Variants in CACNA1A observed in about 807,000 individuals in gnomAD.
CACNA1A encodes voltage-dependent P/Q-type calcium channel subunit alpha-1A.
In CACNA1A, 57 loss-of-function variants were observed where a neutral mutation model predicts 262.4. The observed-to-expected ratio is 0.22, with a 90% CI of 0.18 to 0.27. The LOEUF is 0.27. Ranked by LOEUF, CACNA1A falls within the 10% of genes least tolerant of loss-of-function variation. The pLI, the probability that CACNA1A is intolerant of heterozygous loss-of-function variation, is 1.00. For synonymous variants in CACNA1A, 1,431 were observed against 1,419.3 expected (o/e 1.01, Z -0.18); for missense variants, 2,526 against 3,562.8 (o/e 0.71, Z 7.41).
intron 3 of CACNA1A, among the ~76,000 whole-genome samples, chr19:13,405,184 G>A (rs977260722): frequency 6.7e-6 from 1 of 148,986 alleles, no homozygotes; most frequent in Non-Finnish European, 1.5e-5. Flanking sequence ...GTATGAGCCA[G>A]CGCGCCCGGC....
intron 3 of CACNA1A, among the ~76,000 whole-genome samples, chr19:13,426,063 A>T (rs1172208687): frequency 1.3e-5 from 2 of 152,176 alleles, no homozygotes; most frequent in African/African-American, 2.4e-5. Context: ...GTCTCAAAAC[A>T]AAACAAAACA....
chr19:13,453,345 A>G (rs1468839447), intron 2 of CACNA1A, among the ~76,000 whole-genome samples: 2 of 152,232 alleles, frequency 1.3e-5, no homozygotes, highest in Admixed American at 1.3e-4. Flanking sequence ...AATTAATTTA[A>G]ATGCAATAAA....
chr19:13,268,893 C>CTTTTTTTTTT (rs3050832), intron 24 of CACNA1A, among the ~76,000 whole-genome samples: 1 of 107,946 alleles, frequency 9.3e-6, no homozygotes, highest in African/African-American at 3.6e-5. Flanking sequence ...ATAGATTCTA[C>CTTTTTTTTTT]TTTTTTTTTT....
intron 2 of CACNA1A, among the ~76,000 whole-genome samples, chr19:13,454,441 G>A (rs938920222): frequency 6.6e-6 from 1 of 151,766 alleles, no homozygotes; most frequent in African/African-American, 2.4e-5. Flanking sequence ...TGCGATCTTG[G>A]CTTACTGCAA....
intron 38 of CACNA1A, among the ~76,000 whole-genome samples, chr19:13,223,278 C>T (rs2055304672): frequency 6.6e-6 from 1 of 152,156 alleles, no homozygotes; most frequent in Non-Finnish European, 1.5e-5. Context: ...ACTGCAACCT[C>T]CGCCTCCCAG....
At chr19:13,444,334 C>T (rs1290548132) in intron 3 of CACNA1A, among the ~76,000 whole-genome samples, 4 of 152,088 alleles carry the variant, frequency 2.6e-5, no homozygotes, top group Admixed American at 2.0e-4. Flanking sequence ...AGTTAGAATG[C>T]TGGTTGTGTT....
chr19:13,269,916 G>A (rs1470387549), intron 24 of CACNA1A, among the ~76,000 whole-genome samples: 1 of 152,172 alleles, frequency 6.6e-6, no homozygotes, highest in East Asian at 1.9e-4. Context: ...AGCACTGGGG[G>A]AAGAATCCTT....
chr19:13,316,272 T>G (rs1242763997), intron 11 of CACNA1A: 1 of 137,074 alleles, frequency 7.3e-6, no homozygotes, highest in East Asian at 2.5e-4. Flanking sequence ...TCGCTGCTCT[T>G]GTTGATTCCT....
At chr19:13,461,943 A>G (rs2061131736) in intron 1 of CACNA1A, among the ~76,000 whole-genome samples, 1 of 152,160 alleles carries the variant, frequency 6.6e-6, no homozygotes, top group South Asian at 2.1e-4. Flanking sequence ...AGCTCTATAC[A>G]CAATGAAATT....
intron 1 of CACNA1A, among the ~76,000 whole-genome samples, chr19:13,472,126 C>T (rs1978286251): frequency 6.6e-6 from 1 of 152,006 alleles, no homozygotes; most frequent in South Asian, 2.1e-4. Flanking sequence ...TCACACCCAG[C>T]TAATTTTTAA....
intron 1 of CACNA1A, among the ~76,000 whole-genome samples, chr19:13,494,668 A>G (rs1363148082): frequency 6.6e-6 from 1 of 152,220 alleles, no homozygotes; most frequent in African/African-American, 2.4e-5. Flanking sequence ...ATTGACTCAC[A>G]GTTCTGCATG....
At chr19:13,438,479 A>G (rs1352879719) in intron 3 of CACNA1A, among the ~76,000 whole-genome samples, 1 of 152,224 alleles carries the variant, frequency 6.6e-6, no homozygotes, top group African/African-American at 2.4e-5. Flanking sequence ...AAAAGCTGCC[A>G]TGTGAACTAG....
rs773476849 is a variant in CACNA1A at position 13,299,117 on chromosome 19, C to T, written c.2516G>A (p.Arg839Gln). ...CTGGTCCACGGTGGGCTCGGCCGCC[C>T]GGCTCTTGTTGGTGTTGTTGTTGCG... Reference protein sequence around the residue: ...ENRNNNTNKSRAAEPTVDQRL... With the variant: ...ENRNNNTNKSQAAEPTVDQRL... The change falls in exon 19 of 47, where the codon CGG becomes CAG. Residue 839 changes from arginine (R) to glutamine (Q), a missense_variant. Coordinates refer to ENST00000360228, the MANE Select transcript of CACNA1A (RefSeq NM_001127222.2). 28 of 1,612,590 alleles carry T rather than the reference C, an allele frequency of 1.7e-5. No homozygotes were observed. In the East Asian group the frequency reaches 5.4e-4, roughly 31 times the overall value.
intron 1 of CACNA1A, among the ~76,000 whole-genome samples, chr19:13,484,680 A>G (rs2145097159): frequency 6.6e-6 from 1 of 152,330 alleles, no homozygotes; most frequent in East Asian, 1.9e-4. Flanking sequence ...AAATCATTGT[A>G]TTACTGCTTC....
intron 3 of CACNA1A, among the ~76,000 whole-genome samples, chr19:13,377,513 C>T (rs954448582): frequency 6.6e-6 from 1 of 151,292 alleles, no homozygotes; most frequent in African/African-American, 2.4e-5. Context: ...CAGTCATACG[C>T]CACCATGCCC....
intron 30 of CACNA1A, among the ~76,000 whole-genome samples, chr19:13,251,600 G>GCT (rs1191819861): frequency 6.6e-6 from 1 of 152,160 alleles, no homozygotes; most frequent in African/African-American, 2.4e-5. Context: ...GGTATCTGCA[G>GCT]CTCTTATAAT....
chr19:13,345,372 C>T (rs1003215082), intron 6 of CACNA1A, among the ~76,000 whole-genome samples: 7 of 152,044 alleles, frequency 4.6e-5, no homozygotes, highest in African/African-American at 1.7e-4. Context: ...ACCCCTTCTC[C>T]GTACTTGCAT....
Position 13,256,719 on chromosome 19 carries a change from G to C in CACNA1A, c.4590+631C>G, listed in dbSNP as rs993050679. ...TTGGCCAGGCTGGTCTCAAACTCCTGAGCTCAAGTGATCCTCCTGCCTCAG... is the reference window on the plus strand; with the variant it reads ...TTGGCCAGGCTGGTCTCAAACTCCTCAGCTCAAGTGATCCTCCTGCCTCAG... On this transcript the variant is annotated intron_variant, in intron 28 of 46. Transcript: ENST00000360228. The C allele has an allele frequency of 2.0e-5, 3 of 152,556 alleles. 1 individual carries two copies. The highest frequency in any genetic ancestry group is 4.1e-4 in the South Asian group (2 of 4,820). 9.5% of individuals were successfully genotyped at this position (152,556 alleles called of 1,614,324 possible).
chr19:13,271,798 C>G (rs1568481983), intron 24 of CACNA1A: 1 of 146,768 alleles, frequency 6.8e-6, no homozygotes, highest in Non-Finnish European at 1.5e-5. Context: ...GAGTCTTGCT[C>G]TGTTGCCCAG....
Sources: gnomAD v4.1 joint callset for allele counts (sites outside exome capture counted in the v4.1 genomes callset) on GRCh38, gnomAD v4.1.1 for gene constraint, MANE v1.5 for transcripts, NCBI Gene and HGNC (gene_info 2026-07-23, HGNC 2026-07-21) for gene names.